Variants in ARHGAP39 observed in about 807,000 individuals in gnomAD.
ARHGAP39 encodes the protein Rho GTPase activating protein 39.
A neutral mutation model predicts 106.9 loss-of-function variants in ARHGAP39; 44 were observed. The observed-to-expected ratio is 0.41, with a 90% CI of 0.32 to 0.53. ARHGAP39 has a LOEUF of 0.53. Ranked by LOEUF, ARHGAP39 falls within the 20% of genes least tolerant of loss-of-function variation. The pLI, the probability that ARHGAP39 is intolerant of heterozygous loss-of-function variation, is 0.21. For missense variants in ARHGAP39, 1,496 were observed against 1,577.3 expected (o/e 0.95, Z 0.87); for synonymous variants, 768 against 693.2 (o/e 1.11, Z -1.69).
intron 1 of ARHGAP39, among the ~76,000 whole-genome samples, chr8:144,668,952 C>T (rs557700467): frequency 2.8e-4 from 42 of 152,164 alleles, no homozygotes; most frequent in Non-Finnish European, 3.1e-4. Flanking sequence ...CAGCGTGGCA[C>T]GGGCATGAGG....
At chr8:144,605,123 G>A (rs377333697) in intron 2 of ARHGAP39, among the ~76,000 whole-genome samples, 43 of 152,046 alleles carry the variant, frequency 2.8e-4, no homozygotes, top group African/African-American at 9.9e-4. Flanking sequence ...TCAGCTAGAC[G>A]TGGTGGTGCA....
the ARHGAP39 span, among the ~76,000 whole-genome samples, chr8:144,697,077 C>T: frequency 2.6e-3 from 403 of 152,270 alleles, 4 homozygotes; most frequent in African/African-American, 5.3e-3. Context: ...GTAATCCCAG[C>T]ACTTTGGGAG....
chr8:144,698,610 T>A, the ARHGAP39 span: 2 of 295,086 alleles, frequency 6.8e-6, no homozygotes, highest in Non-Finnish European at 1.3e-5. Flanking sequence ...AATCTGTTTT[T>A]TTTTTGGCAA....
rs369269697 is a variant in ARHGAP39 at position 144,548,172 on chromosome 8, C to T, written c.914G>A (p.Arg305His). 52 of 1,575,558 alleles carry T rather than the reference C, an allele frequency of 3.3e-5. No homozygotes were observed. Among genetic ancestry groups the T allele is most frequent in the African/African-American group, 5.4e-5 (4 of 73,832 alleles). ...GTAGAGCGGGGGTTCATAGCCATAG[C>T]GCGGGGAGGAGGGCTGCGAGTCCCC... Reference protein sequence around the residue: ...PSGDSQPSSPRYGYEPPLYEE... With the variant: ...PSGDSQPSSPHYGYEPPLYEE... The change falls in exon 5 of 12, where the codon CGC (arginine) becomes CAC (histidine). Residue 305 changes from arginine to histidine, a missense_variant. Transcript: ENST00000377307. The surrounding 1 kb of genome is among the most constrained non-coding windows in gnomAD (Gnocchi z 7.4).
At chr8:144,567,594 A>G (rs144808282) in intron 3 of ARHGAP39, among the ~76,000 whole-genome samples, 6,413 of 149,822 alleles carry the variant, frequency 0.043, 426 homozygotes, top group African/African-American at 0.14. Flanking sequence ...AGGCCTAACC[A>G]TCTCCCTGTG....
At position 144,684,622 on chromosome 8, in the gene ARHGAP39, G is replaced by A. The variant is rs906509402; in HGVS notation, c.-82+1064C>T. Among the ~76,000 whole-genome samples the A allele has an allele frequency of 2.0e-5, 3 of 152,162 alleles. No homozygotes were observed. The highest frequency in any genetic ancestry group is 6.5e-5 in the Admixed American group (1 of 15,274). On this transcript the variant is annotated intron_variant, in intron 1 of 11. Transcript: ENST00000377307. The surrounding 1 kb of genome is among the most constrained non-coding windows in gnomAD (Gnocchi z 4.4). ...ACACACCCACAGCTGCCAAGGAGCC[G>A]GCTGCACGTTTTAAAATAAAAAACG...
chr8:144,691,602 C>T, the ARHGAP39 span, among the ~76,000 whole-genome samples: 17 of 152,084 alleles, frequency 1.1e-4, no homozygotes, highest in African/African-American at 4.1e-4. Flanking sequence ...ACTAGGGGGT[C>T]ACAGTCTTCC....
intron 4 of ARHGAP39, among the ~76,000 whole-genome samples, chr8:144,549,197 C>T (rs1817602141): frequency 2.0e-5 from 3 of 152,270 alleles, no homozygotes; most frequent in East Asian, 1.9e-4. Flanking sequence ...GATATGCAGA[C>T]GCAATGCCCA....
In ARHGAP39 at chr8:144,595,881, C is replaced by T. The variant is rs558213564; in HGVS notation, c.80+9654G>A. ...CGCCGCGCCGCCATCTTCCCATCACCCCTCCCTGATCTGCTCTTTGTTCCC... is the reference window on the plus strand; with the variant it reads ...CGCCGCGCCGCCATCTTCCCATCACTCCTCCCTGATCTGCTCTTTGTTCCC... On this transcript the variant is annotated intron_variant, in intron 2 of 11. Coordinates refer to ENST00000377307, the MANE Select transcript of ARHGAP39 (RefSeq NM_025251.3). 9.8e-5 allele frequency among the ~76,000 whole-genome samples: 15 copies of T among 152,332 alleles called. No individual in the cohort carries two copies. In the South Asian group the frequency reaches 3.1e-3, roughly 32 times the overall value.
chr8:144,530,753 C>T lies in ARHGAP39; in HGVS notation c.3099G>A (p.Ala1033=). ...SPEAAVAVVH[A]LPRINRMVLC... ...GCACCATGCGGTTGATGCGGGGCAG[C>T]GCGTGCACCACGGCCACCGCCGCCT... Residue 1033 remains alanine, a synonymous_variant, in exon 11 of 12, where the codon GCG becomes GCA. Transcript: ENST00000377307. 1 of 1,610,290 alleles carries T rather than the reference C, an allele frequency of 6.2e-7. No individual in the cohort carries two copies. The highest frequency in any genetic ancestry group is 8.5e-7 in the Non-Finnish European group (1 of 1,178,960).
chr8:144,650,101 G>A (rs530227955), intron 1 of ARHGAP39, among the ~76,000 whole-genome samples: 6 of 151,880 alleles, frequency 4.0e-5, no homozygotes, highest in African/African-American at 1.4e-4. Flanking sequence ...TGAGATTGTG[G>A]CACTGCACTG....
intron 3 of ARHGAP39, 94 bp from the exon 4 acceptor site, chr8:144,555,737 T>C: frequency 9.1e-7 from 1 of 1,099,220 alleles, no homozygotes; most frequent in Non-Finnish European, 1.4e-6. Flanking sequence ...CACTGCCACC[T>C]CAATTTCCTG....
At chr8:144,661,431 C>T (rs1212690799) in intron 1 of ARHGAP39, among the ~76,000 whole-genome samples, 4 of 152,198 alleles carry the variant, frequency 2.6e-5, no homozygotes, top group African/African-American at 9.7e-5. Flanking sequence ...AGTCTCAACT[C>T]TCTTGGGCCC....
chr8:144,660,688 A>C (rs1467027492), intron 1 of ARHGAP39, among the ~76,000 whole-genome samples: 1 of 152,060 alleles, frequency 6.6e-6, no homozygotes, highest in African/African-American at 2.4e-5. Context: ...TAAATGAATA[A>C]TTTTTTAAAA....
intron 1 of ARHGAP39, among the ~76,000 whole-genome samples, chr8:144,620,826 T>C (rs1586620660): frequency 6.6e-6 from 1 of 152,100 alleles, no homozygotes; most frequent in South Asian, 2.1e-4. Flanking sequence ...GGACTGTGAG[T>C]ACAGAAGAGG....
At chr8:144,567,423 A>G (rs1818437140) in intron 3 of ARHGAP39, among the ~76,000 whole-genome samples, 1 of 152,208 alleles carries the variant, frequency 6.6e-6, no homozygotes, top group Non-Finnish European at 1.5e-5. Flanking sequence ...TGCCAAGCGG[A>G]CCGTGGTCTA....
chr8:144,576,198 T>TG (rs1208840352), intron 3 of ARHGAP39, among the ~76,000 whole-genome samples: 2 of 150,678 alleles, frequency 1.3e-5, no homozygotes, highest in African/African-American at 4.9e-5. Flanking sequence ...CCAGGTGTGG[T>TG]GGTGGGCGCC....
At chr8:144,549,482 G>A (rs1817614440) in intron 4 of ARHGAP39, among the ~76,000 whole-genome samples, 1 of 152,168 alleles carries the variant, frequency 6.6e-6, no homozygotes, top group Non-Finnish European at 1.5e-5. Context: ...CTTTCTTACT[G>A]TACACCACGT....
At chr8:144,596,940 C>T (rs182870032) in intron 2 of ARHGAP39, among the ~76,000 whole-genome samples, 255 of 152,326 alleles carry the variant, frequency 1.7e-3, no homozygotes, top group Middle Eastern at 3.4e-3. Context: ...CCAGGCACAT[C>T]GTGCTCTCCT....
Sources: allele counts gnomAD v4.1 joint callset (sites outside exome capture counted in the v4.1 genomes callset), GRCh38; gene constraint gnomAD v4.1.1; non-coding constraint Gnocchi (gnomAD v3.1); transcripts MANE v1.5; gene names NCBI Gene and HGNC (gene_info 2026-07-23, HGNC 2026-07-21).